CAPN2: variants seen among roughly 807,000 people sequenced by gnomAD.
CAPN2 encodes the protein calpain-2 catalytic subunit.
CAPN2 carries 92 observed loss-of-function variants against 102.3 expected under a neutral mutation model. The ratio of observed to expected loss-of-function variants is 0.90; its 90% CI spans 0.76 to 1.07. CAPN2 has a LOEUF of 1.07. CAPN2 is among the 50% of genes least tolerant of loss of function. The pLI is 0.00. For synonymous variants in CAPN2, 340 were observed against 355.4 expected (o/e 0.96, Z 0.49); for missense variants, 800 against 909.4 (o/e 0.88, Z 1.55).
chr1:223,767,552 G>A (rs1217642558), intron 16 of CAPN2, among the ~76,000 whole-genome samples: 1 of 151,470 alleles, frequency 6.6e-6, no homozygotes, highest in Non-Finnish European at 1.5e-5. Context: ...GTATTCCATG[G>A]TGTATATGAG....
rs28370098 is a variant in CAPN2, at chr1:223,756,393, C to T, written c.1305+744C>T. On this transcript the variant is annotated intron_variant, in intron 10 of 20. Coordinates refer to ENST00000295006, the MANE Select transcript of CAPN2 (RefSeq NM_001748.5). The surrounding 1 kb of genome is among the most constrained non-coding windows in gnomAD (Gnocchi z 4.1). ...TAGGGCACTGACTGGGGATGCATTT[C>T]GGTTTGATGGGCTGGAGCTGGCTCC... Among the ~76,000 whole-genome samples the T allele has an allele frequency of 0.063, 9,551 of 152,224 alleles. 703 individuals are homozygous for T. The highest frequency in any genetic ancestry group is 0.16 in the African/African-American group (6,563 of 41,516).
chr1:223,713,372 C>T (rs1571777863), intron 1 of CAPN2, among the ~76,000 whole-genome samples: 1 of 152,238 alleles, frequency 6.6e-6, no homozygotes, highest in East Asian at 1.9e-4. Flanking sequence ...AGGATAGTCT[C>T]CTGCAGCCCT....
At chr1:223,736,585 T>C (rs1327618465) in intron 2 of CAPN2, among the ~76,000 whole-genome samples, 1 of 152,176 alleles carries the variant, frequency 6.6e-6, no homozygotes, top group Non-Finnish European at 1.5e-5. Flanking sequence ...TGATTTCCTT[T>C]CAACAGTGCT....
chr1:223,751,140 C>G (rs573463251), intron 7 of CAPN2, among the ~76,000 whole-genome samples, 165 bp downstream of exon 7: 6 of 152,164 alleles, frequency 3.9e-5, no homozygotes, highest in African/African-American at 1.4e-4. Context: ...CTCAAAGGGT[C>G]TTTTAACCAG....
Position 223,712,578 on chromosome 1 carries a change from G to A in CAPN2, c.-63G>A, listed in dbSNP as rs1183187801. 1.4e-6 allele frequency: 2 copies of A among 1,421,830 alleles called. No individual in the cohort carries two copies. The highest frequency in any genetic ancestry group is 1.8e-6 in the Non-Finnish European group (2 of 1,088,866). 88.1% of individuals were successfully genotyped at this position (1,421,830 alleles called of 1,614,324 possible). A position where few individuals can be genotyped will look rare whatever the true frequency, so the allele number is the denominator to read the frequency against. On this transcript the variant is annotated 5_prime_UTR_variant, in exon 1 of 21. Coordinates refer to ENST00000295006, the MANE Select transcript of CAPN2 (RefSeq NM_001748.5). ...CGCGCCGGGCCCTGGCCGCGCCCCA[G>A]CCGAGCGCAGCGCGGAGTCGCCCCG...
At chr1:223,745,970 G>C (rs3767717) in intron 4 of CAPN2, among the ~76,000 whole-genome samples, 35,876 of 152,136 alleles carry the variant, frequency 0.24, 7,228 homozygotes, top group African/African-American at 0.55. Flanking sequence ...CCCCATCTCC[G>C]CACAGCTGCT....
Position 223,764,193 on chromosome 1 carries a change from G to C in CAPN2, c.1676G>C (p.Arg559Thr), listed in dbSNP as rs1160220532. The C allele has an allele frequency of 1.2e-6, 2 of 1,613,766 alleles. No homozygotes were observed. Among genetic ancestry groups the C allele is most frequent in the East Asian group, 2.2e-5 (1 of 44,890 alleles). ...SAFELQTILR[R>T]VLAKRQDIKS... ...TTTGAGCTGCAGACCATCCTGAGAA[G>C]GGTTCTAGCAAAGCGTGAGTATCCC... is the stretch of plus-strand genomic sequence containing the variant. The change falls in exon 15 of 21, where the codon AGG becomes ACG. Residue 559 changes from arginine to threonine, a missense_variant. Transcript: ENST00000295006.
rs1195711397 is a variant in CAPN2 at position 223,726,762 on chromosome 1, C to T, written c.307+8931C>T. On this transcript the variant is annotated intron_variant, in intron 2 of 20. Coordinates refer to ENST00000295006, the MANE Select transcript of CAPN2 (RefSeq NM_001748.5). This position sits in a 1 kb window ranked among gnomAD's most constrained non-coding sequence, Gnocchi z 4.4. The stretch of plus-strand genomic sequence containing the variant: ...GTAAAATGGAGGATCTGCCCCCTCC[C>T]CTCCCAGCCCCTGATACAAATGAAG... Among the ~76,000 whole-genome samples the T allele has an allele frequency of 2.6e-5, 4 of 152,162 alleles. No individual in the cohort carries two copies. The highest frequency in any genetic ancestry group is 4.1e-4 in the South Asian group (2 of 4,828).
chr1:223,743,677 A>G (rs908545379), intron 2 of CAPN2, among the ~76,000 whole-genome samples: 5 of 151,974 alleles, frequency 3.3e-5, no homozygotes, highest in African/African-American at 1.2e-4. Flanking sequence ...CCAAACTCCC[A>G]TTCAAAGCCT....
chr1:223,719,450 A>C (rs1659988442), intron 2 of CAPN2, among the ~76,000 whole-genome samples: 1 of 152,078 alleles, frequency 6.6e-6, no homozygotes, highest in Non-Finnish European at 1.5e-5. Flanking sequence ...GAGGCAGGAG[A>C]ATTGCTTGAA....
chr1:223,760,833 A>G (rs1661164971), intron 12 of CAPN2, among the ~76,000 whole-genome samples: 1 of 152,134 alleles, frequency 6.6e-6, no homozygotes, highest in African/African-American at 2.4e-5. Context: ...CCAGATTCCA[A>G]TGATCAGCAC....
chr1:223,709,961 A>G (rs954854543), upstream of CAPN2, among the ~76,000 whole-genome samples: 2 of 152,228 alleles, frequency 1.3e-5, no homozygotes, highest in South Asian at 4.1e-4. Flanking sequence ...TATACAACTT[A>G]GAGTTATAAA....
At chr1:223,705,312 C>T (rs544091163) in intron 1 of CAPN2, among the ~76,000 whole-genome samples, 8 of 152,310 alleles carry the variant, frequency 5.3e-5, no homozygotes, top group African/African-American at 1.4e-4. Flanking sequence ...CACCACTGAA[C>T]TGTACAGGGG....
chr1:223,775,003 G>C lies in CAPN2; in HGVS notation c.*146G>C. 2 of 696,352 alleles carry C rather than the reference G, an allele frequency of 2.9e-6. No homozygotes were observed. Among genetic ancestry groups the C allele is most frequent in the South Asian group, 3.4e-5 (2 of 58,474 alleles). 43.1% of individuals were successfully genotyped at this position (696,352 alleles called of 1,614,324 possible). ...GATCATAGCTGAAAATAATGATACT[G>C]TCAATTTGAGATAGCAGAAGTTTCA... On this transcript the variant is annotated 3_prime_UTR_variant, in exon 21 of 21. Coordinates refer to ENST00000295006, the MANE Select transcript of CAPN2 (RefSeq NM_001748.5).
intron 1 of CAPN2, among the ~76,000 whole-genome samples, chr1:223,703,880 T>C (rs545532412): frequency 6.6e-6 from 1 of 152,328 alleles, no homozygotes; most frequent in East Asian, 1.9e-4. Flanking sequence ...GAGGGAAAAG[T>C]ATAAAGCATT....
intron 16 of CAPN2, among the ~76,000 whole-genome samples, chr1:223,769,552 C>T (rs1356324669): frequency 6.6e-6 from 1 of 152,120 alleles, no homozygotes; most frequent in East Asian, 1.9e-4. Context: ...CCATCCAAAG[C>T]CCTCTGCATG....
At chr1:223,728,357 T>A (rs12070364) in intron 2 of CAPN2, among the ~76,000 whole-genome samples, 28,241 of 152,036 alleles carry the variant, frequency 0.19, 3,077 homozygotes, top group African/African-American at 0.31. Flanking sequence ...CTCTGTCTCT[T>A]TTGTGGTCTC....
intron 10 of CAPN2, 147 bp from the exon 11 acceptor site, chr1:223,757,222 A>T: frequency 1.2e-6 from 1 of 859,522 alleles, no homozygotes; most frequent in Non-Finnish European, 1.9e-6. Context: ...AGAGGCTTTG[A>T]GTTCCTTGGA....
Position 223,755,215 on chromosome 1 carries a change from T to C in CAPN2, c.1136-265T>C, listed in dbSNP as rs1153960. On this transcript the variant is annotated intron_variant, in intron 9 of 20. Transcript: ENST00000295006. This position sits in a 1 kb window ranked among gnomAD's most constrained non-coding sequence, Gnocchi z 4.1. Reference sequence around the variant, plus strand: ...TCTGCCATCTCCCACCATCTCCCACTGTCTCCCACAGCCTCCCACCGCCTC... The same window carrying C: ...TCTGCCATCTCCCACCATCTCCCACCGTCTCCCACAGCCTCCCACCGCCTC... 0.016 allele frequency among the ~76,000 whole-genome samples: 2,471 copies of C among 151,470 alleles called. 70 individuals are homozygous for C. Among genetic ancestry groups the C allele is most frequent in the African/African-American group, 0.056 (2,326 of 41,244 alleles).
Sources: gnomAD v4.1 joint callset for allele counts (sites outside exome capture counted in the v4.1 genomes callset) on GRCh38, gnomAD v4.1.1 for gene constraint, Gnocchi (gnomAD v3.1) non-coding constraint, MANE v1.5 for transcripts, NCBI Gene and HGNC (gene_info 2026-07-23, HGNC 2026-07-21) for gene names.